ATM: variants seen among roughly 807,000 people sequenced by gnomAD.
The protein encoded by ATM is serine-protein kinase ATM.
A neutral mutation model predicts 387.0 loss-of-function variants in ATM; 308 were observed. That is an observed-to-expected ratio of 0.80 (90% CI 0.73 to 0.87). The LOEUF (loss-of-function observed/expected upper bound fraction) is 0.87. Among genes scored for constraint, ATM ranks in the 40% least tolerant of loss-of-function variants. ATM has a pLI of 0.00. For synonymous variants in ATM, 1,156 were observed against 1,187.3 expected, an observed-to-expected ratio of 0.97 and a Z score of 0.54; for missense variants, 3,312 against 3,560.9, an observed-to-expected ratio of 0.93 and a Z score of 1.78.
chr11:108,322,751 G>T (rs941360374), intron 45 of ATM, among the ~76,000 whole-genome samples: 1 of 152,044 alleles, frequency 6.6e-6, no homozygotes, highest in African/African-American at 2.4e-5. Context: ...GCTTAAAAGT[G>T]CTTTTCTCTT....
intron 32 of ATM, chr11:108,295,293 A>G (rs1010710762): frequency 1.8e-5 from 8 of 452,160 alleles, no homozygotes; most frequent in Non-Finnish European, 3.1e-5. Context: ...AAATATGATC[A>G]TGTTTTTCTA....
chr11:108,297,507 T>C, intron 33 of ATM, 125 bp downstream of exon 33: 2 of 840,164 alleles, frequency 2.4e-6, no homozygotes, highest in Non-Finnish European at 3.9e-6. Context: ...AGTAACATGC[T>C]ATACAGGTTT....
chr11:108,297,383 G>A lies in ATM; in HGVS notation c.5005+1G>A, dbSNP rs1057517427. On this transcript the variant is annotated splice_donor_variant, in intron 33 of 62. Transcript: ENST00000675843. LOFTEE classifies it high-confidence loss of function. Reference sequence around the variant, plus strand: ...CACACTGGTGAAAAAGAAGTTCTAGGTAAACTACAGTCATGCGCTGCGTGA... The same window carrying A: ...CACACTGGTGAAAAAGAAGTTCTAGATAAACTACAGTCATGCGCTGCGTGA... The A allele has an allele frequency of 6.2e-7, 1 of 1,610,400 alleles. No homozygotes were observed. Among genetic ancestry groups the A allele is most frequent in the Non-Finnish European group, 8.5e-7 (1 of 1,176,758 alleles).
chr11:108,357,703 A>T (rs971677759), intron 61 of ATM, among the ~76,000 whole-genome samples: 11 of 152,280 alleles, frequency 7.2e-5, no homozygotes, highest in South Asian at 2.1e-4. Context: ...CTCACACGGC[A>T]GGGTACTCCA....
chr11:108,316,240 G>A (rs2084638476), intron 42 of ATM, 127 bp downstream of exon 42: 6 of 978,518 alleles, frequency 6.1e-6, no homozygotes, highest in Admixed American at 2.0e-5. Context: ...CTGTTTTTCA[G>A]AGGATTAGGC....
intron 4 of ATM, chr11:108,231,342 C>A (rs1320517108): frequency 6.6e-6 from 1 of 152,228 alleles, no homozygotes; most frequent in Admixed American, 6.5e-5. Flanking sequence ...AGTGTGTGTT[C>A]AGGGACTCCT....
chr11:108,365,108 C>T lies in ATM; in HGVS notation c.8877C>T (p.Asp2959=). 6.2e-7 allele frequency: 1 copy of T among 1,614,118 alleles called. No individual in the cohort carries two copies. Among genetic ancestry groups the T allele is most frequent in the South Asian group, 1.1e-5 (1 of 91,080 alleles). The change falls in exon 62 of 63, where the codon GAC becomes GAT. Residue 2959 remains aspartate, a synonymous_variant. Coordinates refer to ENST00000675843, the MANE Select transcript of ATM (RefSeq NM_000051.4). ...VEVLLYDPLF[D]WTMNPLKALY... Reference sequence around the variant, plus strand: ...TCCTTCTATATGATCCACTCTTTGACTGGACCATGAATCCTTTGAAAGCTT... The same window carrying T: ...TCCTTCTATATGATCCACTCTTTGATTGGACCATGAATCCTTTGAAAGCTT...
At chr11:108,257,956 C>G (rs929644328) in intron 15 of ATM, among the ~76,000 whole-genome samples, 1 of 152,070 alleles carries the variant, frequency 6.6e-6, no homozygotes, top group Middle Eastern at 3.4e-3. Context: ...CCAGCAGCCT[C>G]GACCTCCTGG....
At chr11:108,236,736 A>G (rs2079297937) in intron 5 of ATM, among the ~76,000 whole-genome samples, 1 of 152,190 alleles carries the variant, frequency 6.6e-6, no homozygotes, top group Non-Finnish European at 1.5e-5. Flanking sequence ...GATTCATTAG[A>G]TGTGTAGAGT....
intron 42 of ATM, among the ~76,000 whole-genome samples, chr11:108,316,502 T>A (rs371522650): frequency 6.6e-6 from 1 of 152,156 alleles, no homozygotes; most frequent in Admixed American, 6.5e-5. Flanking sequence ...TCCCAGAACC[T>A]GTTGTTTCTA....
At chr11:108,305,294 C>G (rs753843914) in intron 37 of ATM, among the ~76,000 whole-genome samples, 1 of 152,136 alleles carries the variant, frequency 6.6e-6, no homozygotes, top group South Asian at 2.1e-4. Flanking sequence ...AAAAAGCAGC[C>G]TTTGGCCGGG....
At chr11:108,243,663 T>A (rs1025205630) in intron 5 of ATM, among the ~76,000 whole-genome samples, 11 of 152,184 alleles carry the variant, frequency 7.2e-5, no homozygotes, top group African/African-American at 2.7e-4. Context: ...AAGTGCTTTC[T>A]TAGGCCTAGA....
At position 108,359,983 on chromosome 11, in the gene ATM, C is replaced by G. The variant is rs11512525; in HGVS notation, c.8851-5099C>G. Among the ~76,000 whole-genome samples the G allele has an allele frequency of 6.6e-3, 996 of 151,696 alleles. 6 individuals are homozygous for G. The highest frequency in any genetic ancestry group is 0.011 in the East Asian group (56 of 5,164). On this transcript the variant is annotated intron_variant, in intron 61 of 62. Transcript: ENST00000675843. ...GAAGGAAATAGAGACACAAAAAACCCTTCAAAAAATTAATGAATCCAGGAG... is the reference window on the plus strand; with the variant it reads ...GAAGGAAATAGAGACACAAAAAACCGTTCAAAAAATTAATGAATCCAGGAG...
At chr11:108,326,247 G>T in intron 47 of ATM, 22 bp downstream of exon 47, 1 of 1,613,692 alleles carries the variant, frequency 6.2e-7, no homozygotes, top group South Asian at 1.1e-5. Flanking sequence ...TTATTGGCTG[G>T]ATTAGTGTTT....
chr11:108,230,748 AGTGCATG>A, intron 4 of ATM: 1 of 152,180 alleles, frequency 6.6e-6, no homozygotes, highest in Non-Finnish European at 1.5e-5. Context: ...CCCAGGCTGG[AGTGCATG>A]CAGTGGTGCA....
chr11:108,347,450 A>G, intron 59 of ATM, 85 bp downstream of exon 59: 1 of 1,127,928 alleles, frequency 8.9e-7, no homozygotes, highest in South Asian at 1.3e-5. Flanking sequence ...GATATTACAA[A>G]TATAAGAGAC....
rs771444818 is a variant in ATM at position 108,267,338 on chromosome 11, C to G, written c.2634C>G (p.Thr878=). 1.2e-6 allele frequency: 2 copies of G among 1,613,676 alleles called. No homozygotes were observed. Among genetic ancestry groups the G allele is most frequent in the Non-Finnish European group, 1.7e-6 (2 of 1,179,690 alleles). ...ACGAACCTGGAGAGAGCCAAAGTAC[C>G]ATAGGTAAATACATATTTACTACTT... is the stretch of plus-strand genomic sequence containing the variant. ...DANEPGESQS[T]IGAINPLAEE... Residue 878 remains threonine (T), a synonymous_variant, in exon 17 of 63, where the codon ACC becomes ACG. Transcript: ENST00000675843.
At chr11:108,284,972 G>GT (rs2082417268) in intron 26 of ATM, among the ~76,000 whole-genome samples, 2 of 151,468 alleles carry the variant, frequency 1.3e-5, no homozygotes, top group South Asian at 4.2e-4. Context: ...CTTTGCTTTT[G>GT]TTTTTGAGAC....
chr11:108,232,016 GAA>G (rs999432742), intron 4 of ATM, among the ~76,000 whole-genome samples: 3 of 152,196 alleles, frequency 2.0e-5, no homozygotes, highest in African/African-American at 7.2e-5. Flanking sequence ...GGTACTTACT[GAA>G]AGAGTGAATG....
Sources: allele counts gnomAD v4.1 joint callset (sites outside exome capture counted in the v4.1 genomes callset), GRCh38; gene constraint gnomAD v4.1.1; transcripts MANE v1.5; gene names NCBI Gene and HGNC (gene_info 2026-07-23, HGNC 2026-07-21).